The following INSC variants were observed in gnomAD, a reference collection of about 807,000 sequenced individuals.
INSC encodes the protein protein inscuteable homolog.
In INSC, 67 loss-of-function variants were observed where a neutral mutation model predicts 58.6. The observed-to-expected ratio is 1.14, with a 90% confidence interval of 0.94 to 1.40. The LOEUF is 1.40. Ranked by LOEUF, INSC falls within the 40% of genes most tolerant of loss-of-function variation. The pLI is 0.00. For missense variants in INSC, 714 were observed against 692.0 expected, an observed-to-expected ratio of 1.03 and a Z score of -0.36; for synonymous variants, 262 against 276.1, an observed-to-expected ratio of 0.95 and a Z score of 0.51.
At chr11:15,267,817 G>A in the INSC span, among the ~76,000 whole-genome samples, 1 of 151,952 alleles carries the variant, frequency 6.6e-6, no homozygotes, top group Non-Finnish European at 1.5e-5. Context: ...TTGGATGCAA[G>A]ACATTGTGAA....
rs1847884446 is a variant in INSC at position 15,121,970 on chromosome 11, A to G, written c.-46+6967A>G. Among the ~76,000 whole-genome samples, 5 of 152,206 alleles carry G rather than the reference A, an allele frequency of 3.3e-5. No individual in the cohort carries two copies. In the South Asian group the frequency reaches 1.0e-3, roughly 32 times the overall value. Reference sequence around the variant, plus strand: ...AAGAAGTTACAGGCTTAGTTTCCTTACTTTGCTACAGCCCTGGAATTAGCC... The same window carrying G: ...AAGAAGTTACAGGCTTAGTTTCCTTGCTTTGCTACAGCCCTGGAATTAGCC... On this transcript the variant is annotated intron_variant, in intron 1 of 12. Transcript: ENST00000379556.
chr11:15,120,018 T>A (rs1449046305), intron 1 of INSC, among the ~76,000 whole-genome samples: 1 of 152,248 alleles, frequency 6.6e-6, no homozygotes, highest in Non-Finnish European at 1.5e-5. Flanking sequence ...AGATCTGGAT[T>A]CCAGCTCTGA....
Position 15,175,846 on chromosome 11 carries a change from G to A in INSC, c.162G>A (p.Leu54=). 3 of 1,613,544 alleles carry A rather than the reference G, an allele frequency of 1.9e-6. No individual in the cohort carries two copies. The highest frequency in any genetic ancestry group is 2.5e-6 in the Non-Finnish European group (3 of 1,179,476). Reference sequence around the variant, plus strand: ...TCCTGCAGGCCAAGCCCATCAGCCTGGAAGAGGATGCACAGGGTGACCTCA... The same window carrying A: ...TCCTGCAGGCCAAGCCCATCAGCCTAGAAGAGGATGCACAGGGTGACCTCA... ...MCVLQAKPIS[L]EEDAQGDLIL... is the part of the protein sequence containing the mutation. The change falls in exon 3 of 13, where the codon CTG becomes CTA. Residue 54 remains leucine, a synonymous_variant. Coordinates refer to ENST00000379556, the MANE Select transcript of INSC (RefSeq NM_001042536.3).
intron 2 of INSC, among the ~76,000 whole-genome samples, chr11:15,159,078 G>A (rs568997743): frequency 6.6e-6 from 1 of 152,238 alleles, no homozygotes; most frequent in South Asian, 2.1e-4. Context: ...TCTTGCACCT[G>A]GGGGCCCGTT....
At chr11:15,185,803 T>C (rs1849943355) in intron 5 of INSC, among the ~76,000 whole-genome samples, 1 of 152,248 alleles carries the variant, frequency 6.6e-6, no homozygotes. Flanking sequence ...TTTTATTTTA[T>C]GTCAACATTT....
rs774475104 is a variant in INSC, at chr11:15,225,821, G to A, written c.1163G>A (p.Arg388Gln). The part of the protein sequence containing the change: ...DKQRVDTPYT[R>Q]DQIVTILANM... ...CAGAGAGTGGACACGCCTTACACTCGGGACCAGGTAAGACGCCCAGAAGGC... is the reference window on the plus strand; with the variant it reads ...CAGAGAGTGGACACGCCTTACACTCAGGACCAGGTAAGACGCCCAGAAGGC... Residue 388 changes from arginine to glutamine, a missense_variant, in exon 9 of 13, where the codon CGG (arginine) becomes CAG (glutamine). Physicochemically the swap from Arg to Gln is conservative, Grantham distance 43 (BLOSUM62 1). Coordinates refer to ENST00000379556, the MANE Select transcript of INSC (RefSeq NM_001042536.3). 11 of 1,612,146 alleles carry A rather than the reference G, an allele frequency of 6.8e-6. No homozygotes were observed. The highest frequency in any genetic ancestry group is 4.4e-5 in the South Asian group (4 of 90,610).
chr11:15,148,724 T>A (rs1314200757), intron 1 of INSC, among the ~76,000 whole-genome samples: 2 of 152,192 alleles, frequency 1.3e-5, no homozygotes, highest in African/African-American at 2.4e-5. Flanking sequence ...GGAATTAGAA[T>A]GTAGAATTGC....
At chr11:15,260,010 GA>G in the INSC span, among the ~76,000 whole-genome samples, 1 of 151,784 alleles carries the variant, frequency 6.6e-6, no homozygotes, top group East Asian at 1.9e-4. Context: ...TGATCAGTGG[GA>G]AAAAAAAGTG....
intron 6 of INSC, among the ~76,000 whole-genome samples, chr11:15,199,172 C>T (rs1033999968): frequency 1.3e-5 from 2 of 152,150 alleles, no homozygotes; most frequent in Admixed American, 6.5e-5. Flanking sequence ...TCCAGCATGA[C>T]GTCTGGCCTA....
chr11:15,227,883 A>G lies in INSC; in HGVS notation c.1170+2055A>G, dbSNP rs141788674. The stretch of plus-strand genomic sequence containing the variant: ...GCCTCTCCTGTGGCTGACTCCGGTC[A>G]TTTCCTACAAGATCCAGTAGTGAGG... On this transcript the variant is annotated intron_variant, in intron 9 of 12. Coordinates refer to ENST00000379556, the MANE Select transcript of INSC (RefSeq NM_001042536.3). Among the ~76,000 whole-genome samples the G allele has an allele frequency of 1.1e-3, 173 of 152,290 alleles. No individual in the cohort carries two copies. The Middle Eastern group carries it at 0.024, about 21-fold the overall frequency.
At chr11:15,214,770 G>A (rs1851151732) in intron 7 of INSC, among the ~76,000 whole-genome samples, 1 of 152,194 alleles carries the variant, frequency 6.6e-6, no homozygotes, top group Non-Finnish European at 1.5e-5. Flanking sequence ...CTGCACCCAT[G>A]AATAGGTTAA....
chr11:15,226,939 C>G (rs1283362641), intron 9 of INSC, among the ~76,000 whole-genome samples: 1 of 152,164 alleles, frequency 6.6e-6, no homozygotes, highest in Non-Finnish European at 1.5e-5. Flanking sequence ...CAAACTTTGT[C>G]AGTTATTTCT....
chr11:15,225,402 A>T (rs1403230740), intron 8 of INSC, among the ~76,000 whole-genome samples: 3 of 152,160 alleles, frequency 2.0e-5, no homozygotes, highest in Admixed American at 6.5e-5. Flanking sequence ...CACCTGACAC[A>T]TAGTGTTCAT....
chr11:15,215,687 G>A (rs889722896), intron 7 of INSC, among the ~76,000 whole-genome samples: 1 of 152,274 alleles, frequency 6.6e-6, no homozygotes, highest in East Asian at 1.9e-4. Context: ...AGAAAATTTG[G>A]TATAAGAACT....
intron 5 of INSC, among the ~76,000 whole-genome samples, chr11:15,179,128 C>T (rs576794154): frequency 6.6e-6 from 1 of 152,166 alleles, no homozygotes; most frequent in African/African-American, 2.4e-5. Flanking sequence ...AGTTAAGTTC[C>T]TGAACCTCTC....
chr11:15,124,630 T>C (rs1269599564), intron 1 of INSC, among the ~76,000 whole-genome samples: 1 of 152,114 alleles, frequency 6.6e-6, no homozygotes, highest in African/African-American at 2.4e-5. Context: ...GATTTTAAAA[T>C]GTGGCATTTA....
chr11:15,169,169 G>A (rs1849303959), intron 2 of INSC, among the ~76,000 whole-genome samples: 1 of 138,288 alleles, frequency 7.2e-6, no homozygotes, highest in Non-Finnish European at 1.6e-5. Flanking sequence ...GGGTCATTAT[G>A]AGCCATCATG....
Position 15,177,142 on chromosome 11 carries a change from A to G in INSC, c.434A>G (p.Glu145Gly). The G allele has an allele frequency of 6.2e-7, 1 of 1,614,054 alleles. No individual in the cohort carries two copies. The highest frequency in any genetic ancestry group is 8.5e-7 in the Non-Finnish European group (1 of 1,179,964). ...AAGCTGCTAATGGAGAAATGCTCGG[A>G]GCTCTCGGCAGTCACAGAGAGGTAA... is the stretch of plus-strand genomic sequence containing the variant. ...IEKLLMEKCS[E>G]LSAVTERCLQ... The change falls in exon 4 of 13, where the codon GAG (glutamate) becomes GGG (glycine). Residue 145 changes from glutamate to glycine, a missense_variant. Glu to Gly is a moderately conservative substitution (Grantham distance 98). Transcript: ENST00000379556.
intron 1 of INSC, among the ~76,000 whole-genome samples, chr11:15,128,232 G>T (rs745487088): frequency 6.6e-6 from 1 of 152,000 alleles, no homozygotes; most frequent in Non-Finnish European, 1.5e-5. Context: ...TTTCTATCCC[G>T]CCAAATGGCT....
Sources: gnomAD v4.1 joint callset for allele counts (sites outside exome capture counted in the v4.1 genomes callset) on GRCh38, gnomAD v4.1.1 for gene constraint, MANE v1.5 for transcripts, NCBI Gene and HGNC (gene_info 2026-07-23, HGNC 2026-07-21) for gene names.